The following ADGRV1 variants were observed in gnomAD, a reference collection of about 807,000 sequenced individuals.
The protein encoded by ADGRV1 is adhesion G protein-coupled receptor V1, also known as G-protein coupled receptor 98.
ADGRV1 carries 359 observed loss-of-function variants against 596.2 expected under a neutral mutation model. That is an observed-to-expected ratio of 0.60 (90% CI 0.55 to 0.66). ADGRV1 has a LOEUF of 0.66. Among genes scored for constraint, ADGRV1 ranks in the 30% least tolerant of loss-of-function variants. ADGRV1 has a pLI of 0.00. For missense variants in ADGRV1, 7,274 were observed against 7,575.6 expected, an observed-to-expected ratio of 0.96 and a Z score of 1.48; for synonymous variants, 2,681 against 2,679.2, an observed-to-expected ratio of 1.00 and a Z score of -0.02.
At chr5:90,821,745 C>A (rs1049658130) in intron 75 of ADGRV1, among the ~76,000 whole-genome samples, 1 of 150,852 alleles carries the variant, frequency 6.6e-6, no homozygotes, top group African/African-American at 2.5e-5. Context: ...AGGGGTCAGG[C>A]ACCCACTTGA....
At position 90,694,510 on chromosome 5, in the gene ADGRV1, T is replaced by C. The variant is rs1229881653; in HGVS notation, c.7754T>C (p.Ile2585Thr). 2.5e-6 allele frequency: 4 copies of C among 1,613,792 alleles called. No homozygotes were observed. ...TTTGGAGTGTTTGTGATCTACAATATTAGTCCCAATACTTCCGAAGATGGC... is the reference window on the plus strand; with the variant it reads ...TTTGGAGTGTTTGTGATCTACAATACTAGTCCCAATACTTCCGAAGATGGC... Reference protein sequence around the residue: ...DAFGVFVIYNISPNTSEDGLF... With the variant: ...DAFGVFVIYNTSPNTSEDGLF... Residue 2585 changes from isoleucine (I) to threonine (T), a missense_variant, in exon 33 of 90, where the codon ATT becomes ACT. Transcript: ENST00000405460.
chr5:90,774,443 TA>T (rs1211095841), intron 60 of ADGRV1, 140 bp downstream of exon 60: 1 of 587,730 alleles, frequency 1.7e-6, no homozygotes, highest in Non-Finnish European at 3.0e-6. Flanking sequence ...CCACATGTAT[TA>T]AAGGTTAAGA....
intron 87 of ADGRV1, among the ~76,000 whole-genome samples, chr5:91,139,171 C>T (rs557125686): frequency 6.6e-5 from 10 of 152,268 alleles, no homozygotes; most frequent in East Asian, 1.9e-4. Flanking sequence ...TAAGAGTCTA[C>T]GTGGACTATA....
chr5:90,914,074 C>A (rs745520067), intron 83 of ADGRV1, among the ~76,000 whole-genome samples: 3 of 152,104 alleles, frequency 2.0e-5, no homozygotes, highest in African/African-American at 7.2e-5. Flanking sequence ...CTGAATAATA[C>A]AGTTTGAATA....
rs373667458 is a variant in ADGRV1, at chr5:90,690,054, T to A, written c.6684T>A (p.Ser2228=). ...LTEAVIIIEA[S]DDPYGLFGFQ... Reference sequence around the variant, plus strand: ...AGGCAGTCATTATTATTGAGGCCTCTGATGACCCCTATGGATTATTTGGTA... The same window carrying A: ...AGGCAGTCATTATTATTGAGGCCTCAGATGACCCCTATGGATTATTTGGTA... Residue 2228 remains serine, a synonymous_variant, in exon 30 of 90, where the codon TCT becomes TCA. Coordinates refer to ENST00000405460, the MANE Select transcript of ADGRV1 (RefSeq NM_032119.4). The A allele has an allele frequency of 1.2e-5, 19 of 1,571,850 alleles. No homozygotes were observed. In the Admixed American group the frequency reaches 2.2e-4, roughly 18 times the overall value.
intron 85 of ADGRV1, among the ~76,000 whole-genome samples, chr5:91,014,136 CCACACACACA>C (rs70973720): frequency 4.6e-3 from 164 of 35,696 alleles, no homozygotes; most frequent in Middle Eastern, 0.019. Flanking sequence ...TTCACAATTG[CCACACACACA>C]CACACACACA....
At chr5:90,956,919 A>G (rs1246307510) in intron 83 of ADGRV1, among the ~76,000 whole-genome samples, 1 of 152,180 alleles carries the variant, frequency 6.6e-6, no homozygotes, top group African/African-American at 2.4e-5. Flanking sequence ...ATAACAGCAA[A>G]TGTTAAGATT....
At chr5:90,845,128 G>A (rs946890849) in intron 78 of ADGRV1, among the ~76,000 whole-genome samples, 2 of 152,152 alleles carry the variant, frequency 1.3e-5, no homozygotes, top group African/African-American at 4.8e-5. Flanking sequence ...CAAGCAAGTG[G>A]GGAGTGTTGC....
chr5:90,672,050 A>C (rs561055530), intron 21 of ADGRV1, among the ~76,000 whole-genome samples: 1 of 152,208 alleles, frequency 6.6e-6, no homozygotes, highest in Non-Finnish European at 1.5e-5. Context: ...GATACCACCA[A>C]ATATACTATA....
At chr5:91,132,287 T>C (rs1794283578) in intron 87 of ADGRV1, among the ~76,000 whole-genome samples, 1 of 152,238 alleles carries the variant, frequency 6.6e-6, no homozygotes, top group Non-Finnish European at 1.5e-5. Context: ...TGGCTTTAAT[T>C]AGAAGGTCCT....
At chr5:91,130,399 G>A (rs1794111105) in intron 87 of ADGRV1, among the ~76,000 whole-genome samples, 1 of 151,592 alleles carries the variant, frequency 6.6e-6, no homozygotes, top group African/African-American at 2.4e-5. Flanking sequence ...GGGCGTGGTG[G>A]TGGGCAGCTC....
intron 74 of ADGRV1, among the ~76,000 whole-genome samples, chr5:90,812,049 T>C (rs1442329666): frequency 1.3e-5 from 2 of 151,746 alleles, no homozygotes; most frequent in African/African-American, 4.8e-5. Flanking sequence ...TGACTCAGCT[T>C]CCCGAGTAGC....
intron 54 of ADGRV1, among the ~76,000 whole-genome samples, chr5:90,754,544 A>T: frequency 6.6e-6 from 1 of 152,202 alleles, no homozygotes; most frequent in East Asian, 1.9e-4. Flanking sequence ...TAGGCACGTC[A>T]CTGTAAGAAC....
chr5:90,679,421 A>G (rs1200712428), intron 25 of ADGRV1, 128 bp from the exon 26 acceptor site: 6 of 560,922 alleles, frequency 1.1e-5, no homozygotes, highest in Middle Eastern at 2.6e-4. Context: ...TTTCTTATGG[A>G]AGAATGCATG....
chr5:90,851,672 T>C (rs1232912265), intron 79 of ADGRV1, among the ~76,000 whole-genome samples: 1 of 152,174 alleles, frequency 6.6e-6, no homozygotes, highest in Non-Finnish European at 1.5e-5. Flanking sequence ...TTCCCCCTCA[T>C]ATCAACTTAG....
At position 90,952,438 on chromosome 5, in the gene ADGRV1, A is replaced by G. The variant is rs145095201; in HGVS notation, c.17857-12977A>G. Among the ~76,000 whole-genome samples, 38 of 152,182 alleles carry G rather than the reference A, an allele frequency of 2.5e-4. No homozygotes were observed. The East Asian group carries it at 6.9e-3, about 28-fold the overall frequency. Reference sequence around the variant, plus strand: ...TGTTCAAGAGTACTACCTTTGTGTTAAAATTCATTTATGATGGAGGGAGGG... The same window carrying G: ...TGTTCAAGAGTACTACCTTTGTGTTGAAATTCATTTATGATGGAGGGAGGG... On this transcript the variant is annotated intron_variant, in intron 83 of 89. Transcript: ENST00000405460.
chr5:90,712,858 C>T (rs533586424), intron 42 of ADGRV1, among the ~76,000 whole-genome samples: 9 of 151,916 alleles, frequency 5.9e-5, no homozygotes, highest in South Asian at 2.1e-4. Flanking sequence ...GTAGTATTTC[C>T]GCATAGTGTT....
In ADGRV1 at chr5:90,774,304, G is replaced by A. The variant is rs527236132; in HGVS notation, c.12403+1G>A. 6.1e-6 allele frequency: 9 copies of A among 1,485,582 alleles called. No individual in the cohort carries two copies. Among genetic ancestry groups the A allele is most frequent in the Non-Finnish European group, 8.5e-6 (9 of 1,063,818 alleles). 92.0% of individuals were successfully genotyped at this position (1,485,582 alleles called of 1,614,324 possible). ...GAGGTAGAAATATCTCCAGTAAAAG[G>A]TAAGAGAAATTCACATTTTTGGAAA... On this transcript the variant is annotated splice_donor_variant, in intron 60 of 89. Coordinates refer to ENST00000405460, the MANE Select transcript of ADGRV1 (RefSeq NM_032119.4). LOFTEE classifies it high-confidence loss of function.
At chr5:90,856,022 A>G (rs547178902) in intron 82 of ADGRV1, 121 bp downstream of exon 82, 6 of 802,874 alleles carry the variant, frequency 7.5e-6, no homozygotes, top group African/African-American at 1.7e-5. Context: ...GCACTAGAAG[A>G]ATACAAATTT....
Sources: allele counts gnomAD v4.1 joint callset (sites outside exome capture counted in the v4.1 genomes callset), GRCh38; gene constraint gnomAD v4.1.1; transcripts MANE v1.5; gene names NCBI Gene and HGNC (gene_info 2026-07-23, HGNC 2026-07-21).